The following LRRFIP2 variants were observed in gnomAD, a reference collection of about 807,000 sequenced individuals.
The protein encoded by LRRFIP2 is leucine-rich repeat flightless-interacting protein 2.
A neutral mutation model predicts 125.9 loss-of-function variants in LRRFIP2; 109 were observed. That is an observed-to-expected ratio of 0.87 (90% CI 0.74 to 1.01). The LOEUF is 1.01. Ranked by LOEUF, LRRFIP2 falls within the 50% of genes least tolerant of loss-of-function variation. LRRFIP2 has a pLI of 0.00. For missense variants in LRRFIP2, 850 were observed against 862.3 expected (o/e 0.99, Z 0.18); for synonymous variants, 291 against 293.1 (o/e 0.99, Z 0.07).
intron 11 of LRRFIP2, 80 bp downstream of exon 11, chr3:37,109,447 A>G (rs1346057903): frequency 6.8e-7 from 1 of 1,472,828 alleles, no homozygotes; most frequent in Non-Finnish European, 9.5e-7. Flanking sequence ...TATTTTGGAG[A>G]AAAGCTGTCA....
At chr3:37,121,301 TTA>T (rs1415154650) in intron 6 of LRRFIP2, among the ~76,000 whole-genome samples, 189 bp downstream of exon 6, 1 of 152,268 alleles carries the variant, frequency 6.6e-6, no homozygotes, top group African/African-American at 2.4e-5. Flanking sequence ...ATTCATGATT[TTA>T]GAGTTGATTT....
At chr3:37,090,917 T>G (rs2093395880) in intron 18 of LRRFIP2, among the ~76,000 whole-genome samples, 1 of 152,238 alleles carries the variant, frequency 6.6e-6, no homozygotes. Flanking sequence ...TAATACTGAC[T>G]GAGTTTGGTA....
intron 6 of LRRFIP2, 158 bp downstream of exon 6, chr3:37,121,330 TGAAA>T (rs1485092158): frequency 3.1e-6 from 2 of 645,354 alleles, no homozygotes; most frequent in African/African-American, 3.7e-5. Flanking sequence ...GACAATAATT[TGAAA>T]GAAAGCATCA....
At chr3:37,079,213 T>A (rs989325316) in intron 19 of LRRFIP2, among the ~76,000 whole-genome samples, 1 of 152,158 alleles carries the variant, frequency 6.6e-6, no homozygotes, top group Non-Finnish European at 1.5e-5. Flanking sequence ...AAATCATTAG[T>A]CACCAGGGAG....
intron 1 of LRRFIP2, among the ~76,000 whole-genome samples, chr3:37,160,614 T>C (rs1178326964): frequency 1.3e-5 from 2 of 151,850 alleles, no homozygotes; most frequent in East Asian, 3.9e-4. Flanking sequence ...ACCCTATCTC[T>C]ACTAAAAATA....
intron 17 of LRRFIP2, 72 bp from the exon 18 acceptor site, chr3:37,091,610 T>C (rs751615127): frequency 7.4e-6 from 8 of 1,084,652 alleles, no homozygotes; most frequent in African/African-American, 3.2e-5. Context: ...AGGATTCAGA[T>C]GAAATGTGAC....
chr3:37,121,991 C>T (rs2095070412), intron 4 of LRRFIP2, among the ~76,000 whole-genome samples: 1 of 151,292 alleles, frequency 6.6e-6, no homozygotes. Context: ...CATATGTATA[C>T]ATGTGCCATG....
intron 18 of LRRFIP2, among the ~76,000 whole-genome samples, chr3:37,086,533 T>TA (rs2093060587): frequency 6.6e-6 from 1 of 152,168 alleles, no homozygotes; most frequent in Admixed American, 6.5e-5. Flanking sequence ...AGTAGAATAC[T>TA]ATCTAGCCAT....
chr3:37,134,731 C>T (rs2095514703), intron 2 of LRRFIP2: 1 of 781,498 alleles, frequency 1.3e-6, no homozygotes, highest in Non-Finnish European at 2.3e-6. Context: ...TCTGCAGGTC[C>T]AGTTGAGGAT....
chr3:37,106,620 C>G (rs1195831461), intron 13 of LRRFIP2, among the ~76,000 whole-genome samples: 5 of 152,074 alleles, frequency 3.3e-5, no homozygotes, highest in Non-Finnish European at 7.4e-5. Context: ...CTAGCAGGGG[C>G]CACATAGAAA....
intron 8 of LRRFIP2, 50 bp from the exon 9 acceptor site, chr3:37,111,115 C>T (rs1355053220): frequency 4.1e-6 from 6 of 1,478,526 alleles, no homozygotes; most frequent in Non-Finnish European, 5.6e-6. Flanking sequence ...ATGTTAATAA[C>T]CTAACAACAC....
intron 2 of LRRFIP2, among the ~76,000 whole-genome samples, chr3:37,139,847 T>C (rs759349108): frequency 5.3e-5 from 8 of 152,164 alleles, no homozygotes; most frequent in Non-Finnish European, 1.0e-4. Context: ...CCCTATCTTC[T>C]CTTTACAGCT....
chr3:37,098,767 C>T (rs1047626013), intron 15 of LRRFIP2, among the ~76,000 whole-genome samples: 2 of 152,112 alleles, frequency 1.3e-5, no homozygotes, highest in African/African-American at 2.4e-5. Flanking sequence ...ATCTATACTG[C>T]ATTGCCCAAT....
chr3:37,062,131 T>C (rs2088921769), intron 24 of LRRFIP2, among the ~76,000 whole-genome samples: 1 of 152,222 alleles, frequency 6.6e-6, no homozygotes, highest in Admixed American at 6.5e-5. Context: ...AATCTAGCTC[T>C]CTACCCACTC....
intron 20 of LRRFIP2, among the ~76,000 whole-genome samples, chr3:37,073,520 A>G (rs186163473): frequency 6.6e-6 from 1 of 152,224 alleles, no homozygotes; most frequent in African/African-American, 2.4e-5. Flanking sequence ...TCCTTTCCCT[A>G]CTCATACATT....
At chr3:37,134,813 G>A (rs2095516646) in intron 2 of LRRFIP2, 1 of 884,974 alleles carries the variant, frequency 1.1e-6, no homozygotes, top group South Asian at 1.3e-5. Context: ...TATTCTTTTT[G>A]GCAATTCATT....
intron 1 of LRRFIP2, among the ~76,000 whole-genome samples, chr3:37,156,673 CAAAAAAAAAAAAAAA>C (rs59647339): frequency 1.6e-4 from 5 of 30,584 alleles, no homozygotes; most frequent in Admixed American, 6.3e-4. Context: ...GACTCAGTAT[CAAAAAAAAAAAAAAA>C]AAAAAAAAAA....
rs758270138 is a variant in LRRFIP2, at chr3:37,066,256, C to G, written c.1534G>C (p.Ala512Pro). 6.2e-7 allele frequency: 1 copy of G among 1,614,162 alleles called. No homozygotes were observed. The highest frequency in any genetic ancestry group is 1.7e-5 in the Admixed American group (1 of 60,026). Residue 512 changes from alanine to proline, a missense_variant, in exon 22 of 28, where the codon GCT (alanine) becomes CCT (proline). Ala to Pro is a conservative substitution (Grantham distance 27). Coordinates refer to ENST00000336686, the MANE Select transcript of LRRFIP2 (RefSeq NM_006309.4). ...GTCTTCACTGTCTCCTGCAGGTCAG[C>G]CAGCTCCTCTCTGAGCATATCTCGC... is the stretch of plus-strand genomic sequence containing the variant. ...NERDMLREEL[A>P]DLQETVKTGE...
At chr3:37,155,165 T>A (rs2150127947) in intron 1 of LRRFIP2, among the ~76,000 whole-genome samples, 1 of 152,370 alleles carries the variant, frequency 6.6e-6, no homozygotes, top group Admixed American at 6.5e-5. Flanking sequence ...CATCTCTTTA[T>A]CAGTTTCACT....
Sources: gnomAD v4.1 joint callset for allele counts (sites outside exome capture counted in the v4.1 genomes callset) on GRCh38, gnomAD v4.1.1 for gene constraint, MANE v1.5 for transcripts, NCBI Gene and HGNC (gene_info 2026-07-23, HGNC 2026-07-21) for gene names.